Variants in R3HCC1 observed in about 807,000 individuals in gnomAD.
The protein encoded by R3HCC1 is R3H and coiled-coil domain-containing protein 1.
R3HCC1 carries 32 observed loss-of-function variants against 40.0 expected under a neutral mutation model. The ratio of observed to expected loss-of-function variants is 0.80; its 90% confidence interval spans 0.60 to 1.07. The LOEUF (loss-of-function observed/expected upper bound fraction) is 1.07. Among genes scored for constraint, R3HCC1 ranks in the 50% least tolerant of loss-of-function variants. R3HCC1 has a pLI of 0.00. For synonymous variants in R3HCC1, 237 were observed against 232.8 expected (o/e 1.02, Z -0.17); for missense variants, 586 against 563.3 (o/e 1.04, Z -0.41).
rs753780437 is a variant in R3HCC1 at position 23,290,002 on chromosome 8, C to T, written c.385C>T (p.Arg129Cys). ...AGGTGCCCGGGCTGGCCGGTGGTAT[C>T]GTGGACGCAAGCCTGACCAGCCTTT... is the stretch of plus-strand genomic sequence containing the variant. Residue 129 changes from arginine (R) to cysteine (C), a missense_variant, in exon 4 of 8, where the codon CGT (arginine) becomes TGT (cysteine). Arg to Cys is a radical substitution (Grantham distance 180, BLOSUM62 -3). Coordinates refer to ENST00000265806, the MANE Select transcript of R3HCC1 (RefSeq NM_001136108.3). 3.3e-5 allele frequency: 50 copies of T among 1,537,602 alleles called. No individual in the cohort carries two copies. The highest frequency in any genetic ancestry group is 7.8e-5 in the Admixed American group (4 of 50,990).
intron 6 of R3HCC1, among the ~76,000 whole-genome samples, 156 bp from the exon 7 acceptor site, chr8:23,294,613 C>T (rs567811124): frequency 4.6e-5 from 7 of 151,206 alleles, no homozygotes; most frequent in South Asian, 2.1e-4. Context: ...GGCAAGCAGG[C>T]GGCAGTCGTC....
intron 1 of R3HCC1, 169 bp downstream of exon 1, chr8:23,288,326 G>A (rs1001829249): frequency 9.0e-7 from 1 of 1,110,776 alleles, no homozygotes; most frequent in East Asian, 2.8e-5. Flanking sequence ...AGAGCCTTGG[G>A]CAGGAGCCAG....
Position 23,290,281 on chromosome 8 carries a change from T to C in R3HCC1, c.664T>C (p.Ser222Pro), listed in dbSNP as rs1179527218. The C allele has an allele frequency of 5.8e-6, 9 of 1,551,494 alleles. No individual in the cohort carries two copies. Among genetic ancestry groups the C allele is most frequent in the Non-Finnish European group, 7.0e-6 (8 of 1,146,988 alleles). Reference sequence around the variant, plus strand: ...TGAGCCTCTGGGGCCTGAGAGTCAGTCAGGGAAGGGAGACATGGTGGAGAT... The same window carrying C: ...TGAGCCTCTGGGGCCTGAGAGTCAGCCAGGGAAGGGAGACATGGTGGAGAT... Residue 222 changes from serine to proline, a missense_variant, in exon 4 of 8, where the codon TCA becomes CCA. Transcript: ENST00000265806.
At chr8:23,290,957 C>T in intron 4 of R3HCC1, 1 of 209,856 alleles carries the variant, frequency 4.8e-6, no homozygotes, top group East Asian at 1.1e-4. Flanking sequence ...ATGCAGACCA[C>T]AGACCTGCCA....
chr8:23,296,000 C>T lies in R3HCC1; in HGVS notation c.1226C>T (p.Thr409Ile). The change falls in exon 8 of 8, where the codon ACA becomes ATA. Residue 409 changes from threonine to isoleucine, a missense_variant. Transcript: ENST00000265806. ...CGTCTGGTGAAGGAGAGGCCACAGA[C>T]AAATGCGACTGTGGCCCGGCGGCTG... 1 of 1,551,086 alleles carries T rather than the reference C, an allele frequency of 6.4e-7. No homozygotes were observed. The highest frequency in any genetic ancestry group is 1.4e-5 in the African/African-American group (1 of 73,188).
intron 7 of R3HCC1, chr8:23,295,761 T>A: frequency 1.5e-6 from 1 of 666,652 alleles, no homozygotes. Flanking sequence ...GGCGACAAGT[T>A]TGGGTCAGCA....
At chr8:23,294,936 CGT>C (rs923768744) in intron 7 of R3HCC1, 72 bp downstream of exon 7, 220 of 1,037,682 alleles carry the variant, frequency 2.1e-4, no homozygotes, top group Non-Finnish European at 2.7e-4. Flanking sequence ...TGTGTGTGTG[CGT>C]GTGTGTGTGT....
At position 23,289,989 on chromosome 8, in the gene R3HCC1, T is replaced by C; in HGVS notation, c.372T>C (p.Ala124=). Residue 124 remains alanine (A), a synonymous_variant, in exon 4 of 8, where the codon GCT becomes GCC. Coordinates refer to ENST00000265806, the MANE Select transcript of R3HCC1 (RefSeq NM_001136108.3). The stretch of plus-strand genomic sequence containing the variant: ...CTGCGGTTCCCCGAGGTGCCCGGGC[T>C]GGCCGGTGGTATCGTGGACGCAAGC... 23 of 1,537,002 alleles carry C rather than the reference T, an allele frequency of 1.5e-5. No homozygotes were observed. The highest frequency in any genetic ancestry group is 2.0e-5 in the Non-Finnish European group (23 of 1,146,928).
rs1803016326 is a variant in R3HCC1, at chr8:23,296,193, C to T, written c.*96C>T. The T allele has an allele frequency of 2.9e-6, 4 of 1,379,994 alleles. No homozygotes were observed. In the East Asian group the frequency reaches 1.0e-4, roughly 36 times the overall value. The allele number at this position is 1,379,994 out of a possible 1,614,324, so 85.5% of individuals were successfully genotyped here. A position where few individuals can be genotyped will look rare whatever the true frequency, so the allele number is the denominator to read the frequency against. On this transcript the variant is annotated 3_prime_UTR_variant, in exon 8 of 8. Coordinates refer to ENST00000265806, the MANE Select transcript of R3HCC1 (RefSeq NM_001136108.3). ...CAGACGCCAGAGCAGCCCCGCACCA[C>T]CCTCGAGCTTCACCATGGGGTGTGG...
At chr8:23,288,178 G>C (rs555666993) in intron 1 of R3HCC1, 21 bp downstream of exon 1, 8 of 1,210,830 alleles carry the variant, frequency 6.6e-6, no homozygotes, top group Non-Finnish European at 7.3e-6. Context: ...CAGCACTGGG[G>C]GGGTGGTCGT....
At chr8:23,292,179 G>T (rs1452776354) in intron 5 of R3HCC1, among the ~76,000 whole-genome samples, 1 of 151,928 alleles carries the variant, frequency 6.6e-6, no homozygotes, top group East Asian at 1.9e-4. Context: ...CCAGGCAGGG[G>T]TGCAGTGGTA....
At chr8:23,295,703 A>ACCCCTCAGC (rs1327727985) in intron 7 of R3HCC1, 24 of 552,598 alleles carry the variant, frequency 4.3e-5, no homozygotes, top group South Asian at 4.1e-5. Context: ...TGCAGGATGA[A>ACCCCTCAGC]CCCCTCAGCC....
intron 5 of R3HCC1, 134 bp from the exon 6 acceptor site, chr8:23,293,169 C>A: frequency 1.5e-6 from 1 of 664,910 alleles, no homozygotes. Context: ...TTGTCTCCGT[C>A]CCAGAAGAGA....
chr8:23,288,304 C>A, intron 1 of R3HCC1, 147 bp downstream of exon 1: 1 of 1,107,136 alleles, frequency 9.0e-7, no homozygotes, highest in Non-Finnish European at 1.2e-6. Flanking sequence ...CATCCGACCG[C>A]AGGCGGGGAC....
In R3HCC1 at chr8:23,290,566, G is replaced by GA. The variant is rs1196791991; in HGVS notation, c.852+98dup. 2.9e-6 allele frequency: 4 copies of GA among 1,358,326 alleles called. No individual in the cohort carries two copies. The African/African-American group carries it at 5.9e-5, about 20-fold the overall frequency. The allele number at this position is 1,358,326 out of a possible 1,614,324, so 84.1% of individuals were successfully genotyped here. On this transcript the variant is annotated intron_variant, in intron 4 of 7. Transcript: ENST00000265806. ...AAGGGTTATGGTGTGGAGAGCAGGGGATGTGCAAGGGGAGGTAGGGCTGGG... is the reference window on the plus strand; with the variant it reads ...AAGGGTTATGGTGTGGAGAGCAGGGGAATGTGCAAGGGGAGGTAGGGCTGGG...
In R3HCC1 at chr8:23,296,187, G is replaced by A. The variant is rs563055893; in HGVS notation, c.*90G>A. 55 of 1,414,478 alleles carry A rather than the reference G, an allele frequency of 3.9e-5. No individual in the cohort carries two copies. Among genetic ancestry groups the A allele is most frequent in the East Asian group, 5.1e-5 (2 of 39,206 alleles). The allele number at this position is 1,414,478 out of a possible 1,614,324, so 87.6% of individuals were successfully genotyped here. On this transcript the variant is annotated 3_prime_UTR_variant, in exon 8 of 8. Transcript: ENST00000265806. The stretch of plus-strand genomic sequence containing the variant: ...CCTTCACAGACGCCAGAGCAGCCCC[G>A]CACCACCCTCGAGCTTCACCATGGG...
At chr8:23,294,237 C>T (rs1021112833) in intron 6 of R3HCC1, among the ~76,000 whole-genome samples, 1 of 152,112 alleles carries the variant, frequency 6.6e-6, no homozygotes, top group African/African-American at 2.4e-5. Flanking sequence ...TGGGGTTGGC[C>T]ATGGCGTTCT....
chr8:23,288,727 C>T (rs2117118205), intron 2 of R3HCC1, 94 bp downstream of exon 2: 2 of 1,452,848 alleles, frequency 1.4e-6, no homozygotes, highest in Non-Finnish European at 1.9e-6. Flanking sequence ...TGCCTGGCAG[C>T]TGGCTCTGAC....
chr8:23,291,183 C>G (rs1278063226), intron 4 of R3HCC1, 178 bp from the exon 5 acceptor site: 4 of 743,998 alleles, frequency 5.4e-6, no homozygotes, highest in Non-Finnish European at 8.3e-6. Flanking sequence ...TAAGTGCCCT[C>G]CCGTAAAACC....
Sources: allele counts gnomAD v4.1 joint callset (sites outside exome capture counted in the v4.1 genomes callset), GRCh38; gene constraint gnomAD v4.1.1; transcripts MANE v1.5; gene names NCBI Gene and HGNC (gene_info 2026-07-23, HGNC 2026-07-21).